FBLN1: variants seen among roughly 807,000 people sequenced by gnomAD.
FBLN1 encodes the protein fibulin-1.
In FBLN1, 34 loss-of-function variants were observed where a neutral mutation model predicts 89.7. That is an observed-to-expected ratio of 0.38 (90% CI 0.29 to 0.50). FBLN1 has a LOEUF of 0.50. Among genes scored for constraint, FBLN1 ranks in the 20% least tolerant of loss-of-function variants. The probability of loss-of-function intolerance (pLI) is 0.92; values close to 1 mark genes in which losing one functional copy is unlikely to be tolerated. For synonymous variants in FBLN1, 393 were observed against 391.3 expected, an observed-to-expected ratio of 1.00 and a Z score of -0.05; for missense variants, 777 against 988.1, an observed-to-expected ratio of 0.79 and a Z score of 2.86.
chr22:45,559,497 C>G (rs1264894927), intron 14 of FBLN1, among the ~76,000 whole-genome samples: 1 of 152,186 alleles, frequency 6.6e-6, no homozygotes, highest in Non-Finnish European at 1.5e-5. Context: ...ACCATAAAAG[C>G]CCTCACCCTA....
rs137975938 is a variant in FBLN1 at position 45,518,687 on chromosome 22, G to T, written c.85G>T (p.Ala29Ser). 4 of 1,602,984 alleles carry T rather than the reference G, an allele frequency of 2.5e-6. No individual in the cohort carries two copies. The African/African-American group carries it at 5.4e-5, about 21-fold the overall frequency. The change falls in exon 2 of 17, where the codon GCG (alanine) becomes TCG (serine). Residue 29 changes from alanine to serine, a missense_variant. Coordinates refer to ENST00000327858, the MANE Select transcript of FBLN1 (RefSeq NM_006486.3). Reference sequence around the variant, plus strand: ...TTGTTCTCTTCCCTGCACAGTGGACGCGGATGTCCTCCTGGAGGCCTGCTG... The same window carrying T: ...TTGTTCTCTTCCCTGCACAGTGGACTCGGATGTCCTCCTGGAGGCCTGCTG... Reference protein sequence around the residue: ...GLALLAAGVDADVLLEACCAD... With the variant: ...GLALLAAGVDSDVLLEACCAD...
Position 45,527,904 on chromosome 22 carries a change from G to C in FBLN1, c.379G>C (p.Glu127Gln), listed in dbSNP as rs974015899. ...RAAQAQGQSC[E>Q]YSLMVGYQCG... ...GGCCCAGGCCCAGGGCCAGAGCTGC[G>C]AGTACAGCCTCATGGTTGGCTACCA... is the stretch of plus-strand genomic sequence containing the variant. The change falls in exon 4 of 17, where the codon GAG becomes CAG. Residue 127 changes from glutamate to glutamine, a missense_variant. Coordinates refer to ENST00000327858, the MANE Select transcript of FBLN1 (RefSeq NM_006486.3). 1.2e-6 allele frequency: 2 copies of C among 1,614,172 alleles called. No individual in the cohort carries two copies. Among genetic ancestry groups the C allele is most frequent in the Middle Eastern group, 1.7e-4 (1 of 6,058 alleles).
rs1020154646 is a variant in FBLN1, at chr22:45,597,481, C to T, written c.1973-2826C>T. Among the ~76,000 whole-genome samples the T allele has an allele frequency of 1.3e-5, 2 of 152,096 alleles. No homozygotes were observed. Among genetic ancestry groups the T allele is most frequent in the African/African-American group, 2.4e-5 (1 of 41,414 alleles). ...AAAGTTGGCAGGTCACTGTGGCTAG[C>T]GGGGGCACCATTGTTGGCCTCGGGC... On this transcript the variant is annotated intron_variant, in intron 16 of 16. Coordinates refer to ENST00000327858, the MANE Select transcript of FBLN1 (RefSeq NM_006486.3). The surrounding 1 kb of genome is among the most constrained non-coding windows in gnomAD (Gnocchi z 4.2).
chr22:45,510,599 C>T (rs1217818031), intron 1 of FBLN1, among the ~76,000 whole-genome samples: 9 of 152,192 alleles, frequency 5.9e-5, no homozygotes, highest in Non-Finnish European at 1.2e-4. Context: ...TCAGGCATTG[C>T]CCAAAGCTTC....
rs961067141 is a variant in FBLN1 at position 45,592,130 on chromosome 22, T to C, written c.1973-8177T>C. 2.0e-5 allele frequency among the ~76,000 whole-genome samples: 3 copies of C among 152,174 alleles called. 1 individual carries two copies. The East Asian group carries it at 5.8e-4, about 29-fold the overall frequency. On this transcript the variant is annotated intron_variant, in intron 16 of 16. Transcript: ENST00000327858. ...AGCTCCGTGATCTGGAAGGTGCTAC[T>C]AGTAGCGCCTCATTTTTCTCCCCAG...
In FBLN1 at chr22:45,557,508, C is replaced by G. The variant is rs2088803893; in HGVS notation, c.1697+6893C>G. On this transcript the variant is annotated intron_variant, in intron 14 of 16. Transcript: ENST00000327858. The surrounding 1 kb of genome is among the most constrained non-coding windows in gnomAD (Gnocchi z 4.9). ...CAGGTCAGCCTTGGTGAGTGGAAGT[C>G]CATGTTGCTGAGCCCATGTGTAACC... Among the ~76,000 whole-genome samples the G allele has an allele frequency of 6.6e-6, 1 of 152,148 alleles. No homozygotes were observed. Among genetic ancestry groups the G allele is most frequent in the African/African-American group, 2.4e-5 (1 of 41,430 alleles).
intron 4 of FBLN1, among the ~76,000 whole-genome samples, chr22:45,528,986 G>A (rs1169854535): frequency 1.3e-5 from 2 of 152,226 alleles, no homozygotes; most frequent in African/African-American, 4.8e-5. Context: ...GGTGCTGGGA[G>A]GATGGAGTGC....
In FBLN1 at chr22:45,537,455, C is replaced by T. The variant is rs561324302; in HGVS notation, c.922+2118C>T. ...CCAATATGGTGAAACCCCGTCTCTACTAAAAATACAAAAATTAGCCGGGTG... is the reference window on the plus strand; with the variant it reads ...CCAATATGGTGAAACCCCGTCTCTATTAAAAATACAAAAATTAGCCGGGTG... On this transcript the variant is annotated intron_variant, in intron 8 of 16. Coordinates refer to ENST00000327858, the MANE Select transcript of FBLN1 (RefSeq NM_006486.3). The surrounding 1 kb of genome is among the most constrained non-coding windows in gnomAD (Gnocchi z 5.7). Among the ~76,000 whole-genome samples the T allele has an allele frequency of 3.9e-5, 6 of 152,044 alleles. No individual in the cohort carries two copies. Among genetic ancestry groups the T allele is most frequent in the South Asian group, 2.1e-4 (1 of 4,816 alleles).
At position 45,505,486 on chromosome 22, in the gene FBLN1, C is replaced by T. The variant is rs2088006804; in HGVS notation, c.79+2422C>T. Among the ~76,000 whole-genome samples, 2 of 152,242 alleles carry T rather than the reference C, an allele frequency of 1.3e-5. 1 individual carries two copies. The highest frequency in any genetic ancestry group is 2.9e-5 in the Non-Finnish European group (2 of 68,042). On this transcript the variant is annotated intron_variant, in intron 1 of 16. Transcript: ENST00000327858. ...ACCCACAGCTCTGGCTCACGCCCCG[C>T]TCCTGGCCCTGCTGAGTGCCCCCCA...
At chr22:45,523,567 G>A (rs759379112) in intron 2 of FBLN1, among the ~76,000 whole-genome samples, 1 of 152,180 alleles carries the variant, frequency 6.6e-6, no homozygotes, top group Non-Finnish European at 1.5e-5. Flanking sequence ...AGCTGGGCAT[G>A]GTGGCAGGTG....
chr22:45,535,372 C>T (rs1291681380), intron 8 of FBLN1, 35 bp downstream of exon 8: 1 of 1,612,840 alleles, frequency 6.2e-7, no homozygotes, highest in South Asian at 1.1e-5. Context: ...GCGGGTTATT[C>T]CAGGAGGGGC....
intron 1 of FBLN1, among the ~76,000 whole-genome samples, chr22:45,518,363 G>A (rs1264494900): frequency 6.6e-6 from 1 of 152,086 alleles, no homozygotes; most frequent in African/African-American, 2.4e-5. Flanking sequence ...GACAGGGACC[G>A]CATCAGCATC....
At chr22:45,520,640 G>C (rs954741743) in intron 2 of FBLN1, among the ~76,000 whole-genome samples, 7 of 152,178 alleles carry the variant, frequency 4.6e-5, no homozygotes, top group African/African-American at 1.7e-4. Flanking sequence ...TTAATACTTA[G>C]TGAAATAAAA....
chr22:45,542,853 T>A (rs1291500992), intron 10 of FBLN1, among the ~76,000 whole-genome samples: 1 of 152,218 alleles, frequency 6.6e-6, no homozygotes, highest in Non-Finnish European at 1.5e-5. Context: ...CAAGTTCAGA[T>A]GTGCTGCCGC....
chr22:45,533,226 C>A, intron 6 of FBLN1, 62 bp downstream of exon 6: 1 of 1,441,356 alleles, frequency 6.9e-7, no homozygotes, highest in Non-Finnish European at 9.8e-7. Flanking sequence ...GAGCTCTGTG[C>A]TGGAGGACTG....
At chr22:45,520,850 C>T (rs2088240619) in intron 2 of FBLN1, among the ~76,000 whole-genome samples, 1 of 152,108 alleles carries the variant, frequency 6.6e-6, no homozygotes, top group Non-Finnish European at 1.5e-5. Context: ...GAGTCTTGCT[C>T]TGTTGCCCAG....
At chr22:45,517,434 G>C in intron 1 of FBLN1, 1 of 409,890 alleles carries the variant, frequency 2.4e-6, no homozygotes, top group South Asian at 1.8e-5. Flanking sequence ...GAGCTGAGGG[G>C]CTGGGAGGGT....
chr22:45,573,680 CAAAA>C (rs60082908), intron 14 of FBLN1, among the ~76,000 whole-genome samples: 3 of 58,942 alleles, frequency 5.1e-5, no homozygotes, highest in African/African-American at 2.3e-4. Context: ...GACTCTGTCT[CAAAA>C]AAAAAAAAAA....
chr22:45,513,785 C>T (rs553664327), intron 1 of FBLN1, among the ~76,000 whole-genome samples: 4 of 152,048 alleles, frequency 2.6e-5, no homozygotes, highest in African/African-American at 9.6e-5. Flanking sequence ...TTTTCATAAC[C>T]AGAGTAAAGC....
Sources: gnomAD v4.1 joint callset for allele counts (sites outside exome capture counted in the v4.1 genomes callset) on GRCh38, gnomAD v4.1.1 for gene constraint, Gnocchi (gnomAD v3.1) non-coding constraint, MANE v1.5 for transcripts, NCBI Gene and HGNC (gene_info 2026-07-23, HGNC 2026-07-21) for gene names.